Variants in CLUAP1 observed in about 807,000 individuals in gnomAD.
CLUAP1 encodes clusterin-associated protein 1.
A neutral mutation model predicts 55.0 loss-of-function variants in CLUAP1; 50 were observed. That is an observed-to-expected ratio of 0.91 (90% CI 0.72 to 1.15). The LOEUF (loss-of-function observed/expected upper bound fraction) is 1.15, where lower values mean the gene tolerates loss of function less well. Ranked by LOEUF, CLUAP1 falls within the 50% of genes most tolerant of loss-of-function variation. The probability of loss-of-function intolerance (pLI) is 0.00; values close to 1 mark genes in which losing one functional copy is unlikely to be tolerated. For synonymous variants in CLUAP1, 195 were observed against 175.4 expected, an observed-to-expected ratio of 1.11 and a Z score of -0.88; for missense variants, 530 against 507.6, an observed-to-expected ratio of 1.04 and a Z score of -0.42.
chr16:3,501,710 C>T (rs1012177651), intron 1 of CLUAP1, among the ~76,000 whole-genome samples: 6 of 151,464 alleles, frequency 4.0e-5, no homozygotes, highest in African/African-American at 1.2e-4. Flanking sequence ...TTGGAGGTTG[C>T]GGTGAGCCGA....
intron 11 of CLUAP1, chr16:3,535,354 A>G (rs551155235): frequency 6.6e-6 from 1 of 152,244 alleles, no homozygotes; most frequent in Non-Finnish European, 1.5e-5. Flanking sequence ...GAGCAGCTGG[A>G]GAGGAAGGTG....
upstream of CLUAP1, among the ~76,000 whole-genome samples, chr16:3,497,560 T>C (rs768621382): frequency 5.9e-5 from 9 of 152,134 alleles, no homozygotes; most frequent in Non-Finnish European, 1.3e-4. Flanking sequence ...TCCAGAGAAA[T>C]ATAGTCAGCA....
chr16:3,536,535 C>G lies in CLUAP1; in HGVS notation c.*264C>G. 1 of 307,288 alleles carries G rather than the reference C, an allele frequency of 3.3e-6. No homozygotes were observed. Among genetic ancestry groups the G allele is most frequent in the Non-Finnish European group, 6.0e-6 (1 of 166,100 alleles). 19.0% of individuals were successfully genotyped at this position (307,288 alleles called of 1,614,324 possible). Reference sequence around the variant, plus strand: ...AGGAATGCATGTGTTCTTAGTGATTCACATCCACGGGACAAAAACTCAAGA... The same window carrying G: ...AGGAATGCATGTGTTCTTAGTGATTGACATCCACGGGACAAAAACTCAAGA... On this transcript the variant is annotated 3_prime_UTR_variant, in exon 12 of 12. Transcript: ENST00000576634.
At chr16:3,506,565 G>A in intron 3 of CLUAP1, 150 bp downstream of exon 3, 1 of 658,320 alleles carries the variant, frequency 1.5e-6, no homozygotes, top group East Asian at 2.9e-5. Context: ...CCGGAGTGCA[G>A]TGGCACAATC....
intron 5 of CLUAP1, among the ~76,000 whole-genome samples, chr16:3,513,640 G>C (rs2037676828): frequency 6.6e-6 from 1 of 151,974 alleles, no homozygotes; most frequent in South Asian, 2.1e-4. Flanking sequence ...AGTAGAGATG[G>C]GGTTTCATCA....
Position 3,508,377 on chromosome 16 carries a change from TC to T in CLUAP1, c.310del (p.Leu104PhefsTer5). 6.2e-7 allele frequency: 1 copy of T among 1,607,864 alleles called. No homozygotes were observed. Among genetic ancestry groups the T allele is most frequent in the East Asian group, 2.2e-5 (1 of 44,516 alleles). On this transcript the variant is annotated frameshift_variant, in exon 4 of 12. Transcript: ENST00000576634. LOFTEE classifies it high-confidence loss of function. ...AAAGAGCTGCTGAAGATCACATCTG[TC>T]CTTTATAATGCTATGAAGACCAAGG... ...AVKELLKITS[V>X]LYNAMKTKGM...
intron 4 of CLUAP1, among the ~76,000 whole-genome samples, chr16:3,510,459 G>C (rs1310947487): frequency 6.6e-6 from 1 of 152,202 alleles, no homozygotes; most frequent in Non-Finnish European, 1.5e-5. Flanking sequence ...TTAACCAGGA[G>C]CGACACTCGT....
At chr16:3,528,360 T>G (rs918806616) in intron 9 of CLUAP1, among the ~76,000 whole-genome samples, 4 of 152,160 alleles carry the variant, frequency 2.6e-5, no homozygotes, top group African/African-American at 9.7e-5. Context: ...CCCTTGTATC[T>G]CTCTCATTTT....
intron 8 of CLUAP1, among the ~76,000 whole-genome samples, chr16:3,524,058 G>A (rs1295105526): frequency 6.6e-6 from 1 of 152,154 alleles, no homozygotes; most frequent in African/African-American, 2.4e-5. Flanking sequence ...CAGCACTTTG[G>A]GAGGCTTAGG....
At chr16:3,499,379 C>A (rs1053208503), upstream of CLUAP1, among the ~76,000 whole-genome samples, 1 of 152,232 alleles carries the variant, frequency 6.6e-6, no homozygotes, top group Non-Finnish European at 1.5e-5. Flanking sequence ...AACATCCTTT[C>A]AAGCCCTTGG....
intron 2 of CLUAP1, 122 bp from the exon 3 acceptor site, chr16:3,506,209 C>G (rs893679287): frequency 2.6e-6 from 2 of 761,850 alleles, no homozygotes; most frequent in Non-Finnish European, 4.6e-6. Flanking sequence ...ATCTCACTCT[C>G]CCACTTGGGG....
chr16:3,515,392 T>G, intron 5 of CLUAP1, 116 bp from the exon 6 acceptor site: 1 of 677,126 alleles, frequency 1.5e-6, no homozygotes, highest in African/African-American at 1.9e-5. Flanking sequence ...GCATCAGAGA[T>G]CCACATGGCA....
intron 1 of CLUAP1, among the ~76,000 whole-genome samples, chr16:3,504,297 G>A (rs1235038105): frequency 6.6e-6 from 1 of 152,154 alleles, no homozygotes; most frequent in African/African-American, 2.4e-5. Context: ...ATTCCCCTCA[G>A]AAATAACCAC....
At chr16:3,533,826 G>A (rs116503465) in intron 11 of CLUAP1, 4 of 152,424 alleles carry the variant, frequency 2.6e-5, no homozygotes, top group South Asian at 2.1e-4. Flanking sequence ...GGTATACAGC[G>A]TCTCTCCGTC....
At chr16:3,532,864 TG>T (rs753347516) in intron 11 of CLUAP1, 23 bp downstream of exon 11, 1 of 1,613,260 alleles carries the variant, frequency 6.2e-7, no homozygotes, top group East Asian at 2.2e-5. Flanking sequence ...CTCCCCTCAG[TG>T]GTTCTGTGCA....
chr16:3,522,778 C>T (rs920684596), intron 7 of CLUAP1, among the ~76,000 whole-genome samples: 1 of 151,752 alleles, frequency 6.6e-6, no homozygotes, highest in Non-Finnish European at 1.5e-5. Flanking sequence ...TATAAAATTT[C>T]TTGGTATATT....
intron 8 of CLUAP1, among the ~76,000 whole-genome samples, chr16:3,525,996 G>T (rs2037933987): frequency 6.6e-6 from 1 of 152,172 alleles, no homozygotes; most frequent in Admixed American, 6.5e-5. Context: ...TCTGAAGGCA[G>T]GGCAGGAAAG....
At position 3,507,145 on chromosome 16, in the gene CLUAP1, G is replaced by A. The variant is rs1428662530; in HGVS notation, c.219+730G>A. On this transcript the variant is annotated intron_variant, in intron 3 of 11. Coordinates refer to ENST00000576634, the MANE Select transcript of CLUAP1 (RefSeq NM_015041.3). ...TGGGAGGCAGAGCTTGCAGTGAGCC[G>A]AGATCACGCCACTGCACTCCAGCCT... 4.6e-5 allele frequency among the ~76,000 whole-genome samples: 7 copies of A among 150,754 alleles called. 1 individual carries two copies. The highest frequency in any genetic ancestry group is 4.2e-4 in the South Asian group (2 of 4,788).
intron 3 of CLUAP1, among the ~76,000 whole-genome samples, chr16:3,506,970 G>A (rs2037518618): frequency 6.6e-6 from 1 of 152,086 alleles, no homozygotes; most frequent in Non-Finnish European, 1.5e-5. Flanking sequence ...GCCGAGGTGG[G>A]CGGATCACGA....
Sources: allele counts gnomAD v4.1 joint callset (sites outside exome capture counted in the v4.1 genomes callset), GRCh38; gene constraint gnomAD v4.1.1; transcripts MANE v1.5; gene names NCBI Gene and HGNC (gene_info 2026-07-23, HGNC 2026-07-21).